CAMKMT: variants seen among roughly 807,000 people sequenced by gnomAD.
CAMKMT encodes the protein CaM KMT.
A neutral mutation model predicts 48.0 loss-of-function variants in CAMKMT; 53 were observed. That is an observed-to-expected ratio of 1.10 (90% CI 0.89 to 1.39). The LOEUF (loss-of-function observed/expected upper bound fraction) is 1.39. CAMKMT is among the 40% of genes most tolerant of loss of function. CAMKMT has a pLI of 0.00. For missense variants in CAMKMT, 428 were observed against 402.7 expected (o/e 1.06, Z -0.54); for synonymous variants, 165 against 152.3 (o/e 1.08, Z -0.61).
At chr2:44,643,340 A>G (rs1452569692) in intron 3 of CAMKMT, among the ~76,000 whole-genome samples, 2 of 152,234 alleles carry the variant, frequency 1.3e-5, no homozygotes, top group African/African-American at 4.8e-5. Context: ...GTATGGAACT[A>G]CTAACAAATA....
intron 3 of CAMKMT, among the ~76,000 whole-genome samples, chr2:44,534,935 A>G (rs1211350695): frequency 6.6e-6 from 1 of 152,106 alleles, no homozygotes; most frequent in African/African-American, 2.4e-5. Flanking sequence ...GGATCAGTGA[A>G]ATGAAAAGTT....
At position 44,499,351 on chromosome 2, in the gene CAMKMT, C is replaced by G. The variant is rs1286904053; in HGVS notation, c.376+109046C>G. Among the ~76,000 whole-genome samples the G allele has an allele frequency of 3.3e-5, 5 of 152,212 alleles. No individual in the cohort carries two copies. In the East Asian group the frequency reaches 9.6e-4, roughly 29 times the overall value. ...TACTTTGTAGGATCATGTAAAAGAC[C>G]TGTGGTTTCTTGTCTCTTGGCAGTA... On this transcript the variant is annotated intron_variant, in intron 3 of 10. Coordinates refer to ENST00000378494, the MANE Select transcript of CAMKMT (RefSeq NM_024766.5).
intron 3 of CAMKMT, among the ~76,000 whole-genome samples, chr2:44,613,531 G>A (rs896093339): frequency 6.6e-6 from 1 of 152,144 alleles, no homozygotes; most frequent in Non-Finnish European, 1.5e-5. Context: ...TTGGCTATAT[G>A]CAAAGCACTG....
intron 9 of CAMKMT, among the ~76,000 whole-genome samples, chr2:44,756,768 A>G (rs557999953): frequency 2.6e-5 from 4 of 151,986 alleles, no homozygotes; most frequent in African/African-American, 7.2e-5. Flanking sequence ...AAAAAGAAAA[A>G]GAAGCCCACA....
At chr2:44,390,529 G>A (rs887306183) in intron 3 of CAMKMT, among the ~76,000 whole-genome samples, 1 of 151,646 alleles carries the variant, frequency 6.6e-6, no homozygotes, top group Non-Finnish European at 1.5e-5. Context: ...GTGTGTGTGT[G>A]GGGGGGAGGT....
At chr2:44,487,573 G>A (rs577021907) in intron 3 of CAMKMT, among the ~76,000 whole-genome samples, 16 of 152,284 alleles carry the variant, frequency 1.1e-4, no homozygotes, top group Middle Eastern at 3.4e-3. Context: ...AATATAAACT[G>A]TTTAATTTAA....
chr2:44,640,697 T>C (rs1673402477), intron 3 of CAMKMT, among the ~76,000 whole-genome samples: 1 of 152,192 alleles, frequency 6.6e-6, no homozygotes, highest in Non-Finnish European at 1.5e-5. Flanking sequence ...TTAGTACTAC[T>C]AATAATAATG....
At chr2:44,420,783 G>T (rs532626247) in intron 3 of CAMKMT, among the ~76,000 whole-genome samples, 44 of 151,458 alleles carry the variant, frequency 2.9e-4, no homozygotes, top group African/African-American at 9.7e-4. Flanking sequence ...TCAAGATAGA[G>T]TATCATTTAT....
At chr2:44,675,409 C>A (rs911524456) in intron 3 of CAMKMT, among the ~76,000 whole-genome samples, 4 of 152,140 alleles carry the variant, frequency 2.6e-5, no homozygotes, top group Admixed American at 2.6e-4. Flanking sequence ...GCTTTTATGA[C>A]TTCCATGACA....
chr2:44,458,298 C>T (rs944314304), intron 3 of CAMKMT, among the ~76,000 whole-genome samples: 8 of 152,194 alleles, frequency 5.3e-5, no homozygotes, highest in South Asian at 2.1e-4. Context: ...CCGCCCGCCT[C>T]GGCCTCCCAG....
At chr2:44,474,760 G>A (rs1668599650) in intron 3 of CAMKMT, among the ~76,000 whole-genome samples, 1 of 152,104 alleles carries the variant, frequency 6.6e-6, no homozygotes, top group Admixed American at 6.5e-5. Flanking sequence ...AAATAACATT[G>A]CTTGATATCT....
At chr2:44,561,947 A>G (rs746766131) in intron 3 of CAMKMT, among the ~76,000 whole-genome samples, 63 of 152,332 alleles carry the variant, frequency 4.1e-4, no homozygotes, top group East Asian at 3.9e-4. Context: ...GCTGGAGAAT[A>G]TAAGAGGGAG....
At chr2:44,565,473 T>A (rs1668561244) in intron 3 of CAMKMT, among the ~76,000 whole-genome samples, 1 of 152,146 alleles carries the variant, frequency 6.6e-6, no homozygotes, top group Non-Finnish European at 1.5e-5. Flanking sequence ...CCATTAGTGA[T>A]GTGTGAGGAT....
chr2:44,766,333 T>C (rs1304370789), intron 9 of CAMKMT, 97 bp from the exon 10 acceptor site: 2 of 1,351,516 alleles, frequency 1.5e-6, no homozygotes, highest in Admixed American at 2.1e-5. Flanking sequence ...TGAGTTTTTC[T>C]ACTTGAGAGC....
In CAMKMT at chr2:44,576,814, C is replaced by A. The variant is rs557529087; in HGVS notation, c.377-127469C>A. ...CACTTGCACAGTTTTAAAAATGCAA[C>A]TCAAAAGATAATTATTGACAATTAA... On this transcript the variant is annotated intron_variant, in intron 3 of 10. Transcript: ENST00000378494. Among the ~76,000 whole-genome samples the A allele has an allele frequency of 3.3e-5, 5 of 152,282 alleles. 1 individual carries two copies. In the South Asian group the frequency reaches 8.3e-4, roughly 25 times the overall value.
At chr2:44,674,628 C>A (rs1411989290) in intron 3 of CAMKMT, among the ~76,000 whole-genome samples, 1 of 152,162 alleles carries the variant, frequency 6.6e-6, no homozygotes, top group Non-Finnish European at 1.5e-5. Context: ...CCCAGAATAA[C>A]GGAAGTGGTT....
chr2:44,612,043 A>G (rs1019310205), intron 3 of CAMKMT, among the ~76,000 whole-genome samples: 3 of 152,134 alleles, frequency 2.0e-5, no homozygotes, highest in Non-Finnish European at 2.9e-5. Context: ...CATCCAAACT[A>G]TATCATCTGG....
rs187652639 is a variant in CAMKMT at position 44,705,741 on chromosome 2, T to G, written c.438-546T>G. Reference sequence around the variant, plus strand: ...TGCTAAATGCTCTTTGTGTAATTGTTCTTTATGGGGACTGTTCAGCTTTCC... The same window carrying G: ...TGCTAAATGCTCTTTGTGTAATTGTGCTTTATGGGGACTGTTCAGCTTTCC... On this transcript the variant is annotated intron_variant, in intron 4 of 10. Transcript: ENST00000378494. Among the ~76,000 whole-genome samples, 599 of 152,336 alleles carry G rather than the reference T, an allele frequency of 3.9e-3. 1 individual carries two copies. The highest frequency in any genetic ancestry group is 0.031 in the Middle Eastern group (9 of 294).
intron 3 of CAMKMT, among the ~76,000 whole-genome samples, chr2:44,672,358 A>G (rs915982452): frequency 1.2e-4 from 18 of 152,144 alleles, no homozygotes; most frequent in Non-Finnish European, 2.2e-4. Context: ...TACAATTTCA[A>G]TTTGAAATGC....
Sources: gnomAD v4.1 joint callset for allele counts (sites outside exome capture counted in the v4.1 genomes callset) on GRCh38, gnomAD v4.1.1 for gene constraint, MANE v1.5 for transcripts, NCBI Gene and HGNC (gene_info 2026-07-23, HGNC 2026-07-21) for gene names.